The following EPHA6 variants were observed in gnomAD, a reference collection of about 807,000 sequenced individuals.
EPHA6 encodes the protein ephrin type-A receptor 6.
Under a neutral mutation model 112.0 loss-of-function variants are expected in EPHA6, and 50 were observed. That is an observed-to-expected ratio of 0.45 (90% CI 0.36 to 0.56). The LOEUF is 0.56. EPHA6 is among the 20% of genes least tolerant of loss of function. The pLI is 0.00. For synonymous variants in EPHA6, 529 were observed against 490.7 expected (o/e 1.08, Z -1.03); for missense variants, 1,280 against 1,417.4 (o/e 0.90, Z 1.56).
At chr3:97,068,353 T>C in intron 3 of EPHA6, among the ~76,000 whole-genome samples, 1 of 151,690 alleles carries the variant, frequency 6.6e-6, no homozygotes, top group Non-Finnish European at 1.5e-5. Flanking sequence ...GGATCCAGAG[T>C]ATAAGCAGAG....
chr3:97,209,591 T>C (rs2077810346), intron 3 of EPHA6, among the ~76,000 whole-genome samples: 1 of 152,184 alleles, frequency 6.6e-6, no homozygotes, highest in African/African-American at 2.4e-5. Context: ...TTAATAACTT[T>C]CTATAAAAAT....
chr3:97,514,421 T>A (rs1311405272), intron 10 of EPHA6, among the ~76,000 whole-genome samples: 1 of 152,204 alleles, frequency 6.6e-6, no homozygotes, highest in Non-Finnish European at 1.5e-5. Flanking sequence ...ATAATCTTCA[T>A]ATTTCAGGAT....
At chr3:97,549,184 C>A (rs2092996971) in intron 11 of EPHA6, among the ~76,000 whole-genome samples, 1 of 152,144 alleles carries the variant, frequency 6.6e-6, no homozygotes, top group East Asian at 1.9e-4. Context: ...TACTATAAAA[C>A]ACTATGTGGT....
intron 2 of EPHA6, among the ~76,000 whole-genome samples, chr3:96,910,350 T>C (rs1394812105): frequency 6.6e-6 from 1 of 152,084 alleles, no homozygotes; most frequent in Non-Finnish European, 1.5e-5. Context: ...TGCCTGGCAG[T>C]TGCCTGATAA....
chr3:97,233,725 AG>A (rs1449171824), intron 4 of EPHA6, among the ~76,000 whole-genome samples: 1 of 152,144 alleles, frequency 6.6e-6, no homozygotes, highest in African/African-American at 2.4e-5. Context: ...AGAACCTTCT[AG>A]GGATTTAAAA....
chr3:96,932,322 A>G (rs2040367439), intron 2 of EPHA6, among the ~76,000 whole-genome samples: 1 of 152,146 alleles, frequency 6.6e-6, no homozygotes. Flanking sequence ...CATGCAATTC[A>G]TTCAACTTTT....
At chr3:96,934,731 A>C (rs2040494975) in intron 2 of EPHA6, among the ~76,000 whole-genome samples, 1 of 151,542 alleles carries the variant, frequency 6.6e-6, no homozygotes, top group Admixed American at 6.6e-5. Flanking sequence ...GGGAATAATT[A>C]GAAAGGCCAA....
At chr3:97,343,349 T>G (rs376711846) in intron 5 of EPHA6, among the ~76,000 whole-genome samples, 2 of 152,164 alleles carry the variant, frequency 1.3e-5, no homozygotes, top group African/African-American at 4.8e-5. Context: ...GGGTGTTTAA[T>G]TGAGGAGATA....
At chr3:97,063,668 C>G (rs764170650) in intron 3 of EPHA6, among the ~76,000 whole-genome samples, 1 of 151,908 alleles carries the variant, frequency 6.6e-6, no homozygotes, top group Non-Finnish European at 1.5e-5. Flanking sequence ...ATGAAACAAA[C>G]CTTCACGTTC....
intron 10 of EPHA6, among the ~76,000 whole-genome samples, chr3:97,522,574 A>G (rs1198745839): frequency 6.6e-6 from 1 of 152,040 alleles, no homozygotes; most frequent in Non-Finnish European, 1.5e-5. Flanking sequence ...AAATGAGTTT[A>G]GAAGTATTCT....
intron 5 of EPHA6, among the ~76,000 whole-genome samples, chr3:97,321,596 C>T (rs963458229): frequency 5.9e-5 from 9 of 151,914 alleles, no homozygotes; most frequent in Admixed American, 4.6e-4. Context: ...TTAAAAACCC[C>T]CAATGGGTCT....
At position 97,478,855 on chromosome 3, in the gene EPHA6, A is replaced by AT. The variant is rs2091450165; in HGVS notation, c.2004-439_2004-438insT. Among the ~76,000 whole-genome samples the AT allele has an allele frequency of 4.6e-5, 7 of 152,154 alleles. No homozygotes were observed. In the South Asian group the frequency reaches 1.2e-3, roughly 27 times the overall value. On this transcript the variant is annotated intron_variant, in intron 8 of 17. Transcript: ENST00000389672. ...TGAGAGCATGGTTATCCAGAGGGAG[A>AT]CTAGAACATGCCTCTACCAAATTCC...
At chr3:97,110,443 A>C (rs536576875) in intron 3 of EPHA6, among the ~76,000 whole-genome samples, 2 of 152,206 alleles carry the variant, frequency 1.3e-5, no homozygotes, top group African/African-American at 4.8e-5. Flanking sequence ...GATTTCATTT[A>C]TTATGATTAT....
chr3:96,940,986 T>C (rs1344146306), intron 2 of EPHA6, among the ~76,000 whole-genome samples: 4 of 152,218 alleles, frequency 2.6e-5, no homozygotes, highest in African/African-American at 9.6e-5. Flanking sequence ...TCTGATGGGC[T>C]TCCCTTTGTG....
intron 5 of EPHA6, among the ~76,000 whole-genome samples, chr3:97,388,008 A>T (rs1000970650): frequency 6.6e-6 from 1 of 152,130 alleles, no homozygotes; most frequent in Non-Finnish European, 1.5e-5. Context: ...ACCAGATCTC[A>T]TGAGAACTCA....
chr3:97,339,204 A>C (rs776767421), intron 5 of EPHA6, among the ~76,000 whole-genome samples: 17 of 152,306 alleles, frequency 1.1e-4, no homozygotes, highest in Non-Finnish European at 2.1e-4. Flanking sequence ...GACTTTGGAG[A>C]GAGATAGAGG....
Position 97,524,182 on chromosome 3 carries a change from T to C in EPHA6, c.2201-8176T>C, listed in dbSNP as rs546094434. On this transcript the variant is annotated intron_variant, in intron 10 of 17. Coordinates refer to ENST00000389672, the MANE Select transcript of EPHA6 (RefSeq NM_001080448.3). ...TTGTCTTTCTTCCAATCTTACAGTC[T>C]TTCTTTGTGATTTGTGTATTTTTGT... Among the ~76,000 whole-genome samples, 20 of 152,150 alleles carry C rather than the reference T, an allele frequency of 1.3e-4. No individual in the cohort carries two copies. The South Asian group carries it at 3.7e-3, about 28-fold the overall frequency.
intron 1 of EPHA6, among the ~76,000 whole-genome samples, chr3:96,862,783 C>T (rs2036082720): frequency 1.3e-5 from 2 of 151,808 alleles, no homozygotes. Context: ...TAATATTTAG[C>T]TTTTTATTCT....
At chr3:97,645,021 T>C (rs940582620) in intron 14 of EPHA6, among the ~76,000 whole-genome samples, 64 of 151,902 alleles carry the variant, frequency 4.2e-4, no homozygotes, top group African/African-American at 1.4e-3. Flanking sequence ...TGATGAACAT[T>C]GATGCAAAAA....
Sources: allele counts gnomAD v4.1 joint callset (sites outside exome capture counted in the v4.1 genomes callset), GRCh38; gene constraint gnomAD v4.1.1; transcripts MANE v1.5; gene names NCBI Gene and HGNC (gene_info 2026-07-23, HGNC 2026-07-21).